Variants in STPG2 observed in about 807,000 individuals in gnomAD.
STPG2 encodes the protein sperm-tail PG-rich repeat-containing protein 2.
Under a neutral mutation model 54.2 loss-of-function variants are expected in STPG2, and 56 were observed. The ratio of observed to expected loss-of-function variants is 1.03; its 90% CI spans 0.83 to 1.29. The LOEUF (loss-of-function observed/expected upper bound fraction) is 1.29. STPG2 is among the 50% of genes most tolerant of loss of function. The pLI is 0.00. For missense variants in STPG2, 596 were observed against 544.9 expected, an observed-to-expected ratio of 1.09 and a Z score of -0.93; for synonymous variants, 200 against 181.8, an observed-to-expected ratio of 1.10 and a Z score of -0.81.
At chr4:97,966,818 G>T (rs1033248288) in intron 7 of STPG2, among the ~76,000 whole-genome samples, 1 of 152,058 alleles carries the variant, frequency 6.6e-6, no homozygotes, top group African/African-American at 2.4e-5. Flanking sequence ...AAACGCAAAG[G>T]CTGAGAGATT....
intron 8 of STPG2, among the ~76,000 whole-genome samples, chr4:97,859,986 TC>T (rs760166080): frequency 4.5e-4 from 69 of 152,324 alleles, no homozygotes; most frequent in Non-Finnish European, 7.5e-4. Context: ...CAGGGTTCCT[TC>T]TTTCTCCATT....
chr4:97,936,630 C>A (rs936974655), intron 8 of STPG2, among the ~76,000 whole-genome samples: 3 of 152,134 alleles, frequency 2.0e-5, no homozygotes, highest in Non-Finnish European at 4.4e-5. Context: ...TTCTCCTTCA[C>A]TTATAAGGCT....
chr4:97,796,319 T>C (rs1224024657), intron 9 of STPG2, among the ~76,000 whole-genome samples: 3 of 152,132 alleles, frequency 2.0e-5, no homozygotes, highest in Non-Finnish European at 4.4e-5. Context: ...TCTTCTAGGG[T>C]TTTTATGGTT....
At chr4:97,644,460 C>G (rs1291301125) in intron 10 of STPG2, among the ~76,000 whole-genome samples, 1 of 151,998 alleles carries the variant, frequency 6.6e-6, no homozygotes, top group Non-Finnish European at 1.5e-5. Context: ...GAACACTCAA[C>G]AAATGGATCA....
intron 5 of STPG2, among the ~76,000 whole-genome samples, chr4:97,998,988 CT>C (rs1450242880): frequency 6.7e-6 from 1 of 148,778 alleles, no homozygotes; most frequent in Non-Finnish European, 1.5e-5. Flanking sequence ...ATATTCTTAA[CT>C]TTAATGCTCT....
chr4:98,050,527 A>G (rs1027172885), intron 5 of STPG2, among the ~76,000 whole-genome samples: 2 of 152,132 alleles, frequency 1.3e-5, no homozygotes, highest in African/African-American at 2.4e-5. Flanking sequence ...GTGAGAAGGC[A>G]TCTGACAGAG....
intron 10 of STPG2, among the ~76,000 whole-genome samples, chr4:97,572,362 T>C (rs1027159221): frequency 6.6e-6 from 1 of 152,166 alleles, no homozygotes; most frequent in Non-Finnish European, 1.5e-5. Flanking sequence ...CATAGATTTG[T>C]TAAGATTTTC....
rs569880714 is a variant in STPG2, at chr4:97,677,652, C to A, written c.1320+35047G>T. On this transcript the variant is annotated intron_variant, in intron 10 of 10. Transcript: ENST00000295268. ...ATTATTTCCTTCAAAAGGACAAGAG[C>A]AACCCTTTCCTTTCTCTCCCTCCTG... Among the ~76,000 whole-genome samples, 206 of 152,282 alleles carry A rather than the reference C, an allele frequency of 1.4e-3. 1 individual carries two copies. Among genetic ancestry groups the A allele is most frequent in the South Asian group, 5.0e-3 (24 of 4,828 alleles).
intron 9 of STPG2, among the ~76,000 whole-genome samples, chr4:97,832,896 G>A (rs1408011692): frequency 6.6e-6 from 1 of 152,116 alleles, no homozygotes; most frequent in African/African-American, 2.4e-5. Context: ...CCATGCTCAT[G>A]GATAGGAAGA....
chr4:97,940,282 T>C (rs1732927261), intron 8 of STPG2, among the ~76,000 whole-genome samples: 1 of 152,180 alleles, frequency 6.6e-6, no homozygotes, highest in Admixed American at 6.5e-5. Flanking sequence ...GTCTCAGGGA[T>C]GATCTTCTTG....
At chr4:97,681,766 A>AT (rs1378305419) in intron 10 of STPG2, among the ~76,000 whole-genome samples, 1 of 151,762 alleles carries the variant, frequency 6.6e-6, no homozygotes, top group Non-Finnish European at 1.5e-5. Context: ...TTGCTCTAAT[A>AT]TTATTCATTA....
rs866748185 is a variant in STPG2, at chr4:97,752,929, A to G, written c.1205-40115T>C. 3.3e-5 allele frequency among the ~76,000 whole-genome samples: 5 copies of G among 151,916 alleles called. No homozygotes were observed. In the Middle Eastern group the frequency reaches 0.01, roughly 310 times the overall value. On this transcript the variant is annotated intron_variant, in intron 9 of 10. Transcript: ENST00000295268. ...GAATAGTAGAGTGTCTTCCCATCAG[A>G]TGTAAACTATCTCAATTATTCATTG...
At chr4:98,046,003 G>C (rs1737114310) in intron 5 of STPG2, among the ~76,000 whole-genome samples, 1 of 150,714 alleles carries the variant, frequency 6.6e-6, no homozygotes, top group Non-Finnish European at 1.5e-5. Flanking sequence ...TTGTTCTGCT[G>C]AGTGGTATCC....
rs549815674 is a variant in STPG2, at chr4:98,021,881, T to C, written c.613-40563A>G. Among the ~76,000 whole-genome samples the C allele has an allele frequency of 1.2e-4, 19 of 152,130 alleles. No individual in the cohort carries two copies. In the East Asian group the frequency reaches 3.7e-3, roughly 29 times the overall value. ...TTTCCATTTGCTTGGTAGATCTTCCTCCATCCCTTTATTCTGAGCCTATGT... is the reference window on the plus strand; with the variant it reads ...TTTCCATTTGCTTGGTAGATCTTCCCCCATCCCTTTATTCTGAGCCTATGT... On this transcript the variant is annotated intron_variant, in intron 5 of 10. Transcript: ENST00000295268.
At chr4:97,804,754 A>T (rs1159520345) in intron 9 of STPG2, among the ~76,000 whole-genome samples, 1 of 152,168 alleles carries the variant, frequency 6.6e-6, no homozygotes, top group African/African-American at 2.4e-5. Context: ...ATTCACAGTA[A>T]GTGCCCTATA....
In STPG2 at chr4:97,703,794, A is replaced by G. The variant is rs190922541; in HGVS notation, c.1320+8905T>C. On this transcript the variant is annotated intron_variant, in intron 10 of 10. Transcript: ENST00000295268. ...TATATTTGTGTGTGTGTGTATATAT[A>G]TGTGTGTGTGTGTGTGTGTATATAT... Among the ~76,000 whole-genome samples, 729 of 144,482 alleles carry G rather than the reference A, an allele frequency of 5.0e-3. 3 individuals are homozygous for G. The highest frequency in any genetic ancestry group is 0.017 in the African/African-American group (670 of 39,556). The allele number at this position is 144,482 out of a possible 152,430, so 94.8% of individuals were successfully genotyped here.
intron 4 of STPG2, among the ~76,000 whole-genome samples, chr4:97,551,125 T>C (rs1268609171): frequency 2.0e-5 from 3 of 152,114 alleles, no homozygotes; most frequent in East Asian, 3.9e-4. Context: ...TTGGTCCGTT[T>C]TTACAGAGTG....
chr4:97,781,409 T>C (rs1167802140), intron 9 of STPG2, among the ~76,000 whole-genome samples: 1 of 152,024 alleles, frequency 6.6e-6, no homozygotes, highest in African/African-American at 2.4e-5. Flanking sequence ...AATAGACCAA[T>C]AACAGGCTCT....
At chr4:97,970,385 C>T (rs926210682) in intron 7 of STPG2, among the ~76,000 whole-genome samples, 1 of 152,168 alleles carries the variant, frequency 6.6e-6, no homozygotes, top group Non-Finnish European at 1.5e-5. Flanking sequence ...AAGCTGGAGG[C>T]ATCATGCTAC....
Sources: gnomAD v4.1 joint callset for allele counts (sites outside exome capture counted in the v4.1 genomes callset) on GRCh38, gnomAD v4.1.1 for gene constraint, MANE v1.5 for transcripts, NCBI Gene and HGNC (gene_info 2026-07-23, HGNC 2026-07-21) for gene names.